Variants in ICA1 observed in about 807,000 individuals in gnomAD.
ICA1 encodes the protein 69 kDa islet cell autoantigen.
In ICA1, 40 loss-of-function variants were observed where a neutral mutation model predicts 71.0. The observed-to-expected ratio is 0.56, with a 90% CI of 0.44 to 0.73. ICA1 has a LOEUF of 0.73. Ranked by LOEUF, ICA1 falls within the 30% of genes least tolerant of loss-of-function variation. The probability of loss-of-function intolerance (pLI) is 0.00; values close to 1 mark genes in which losing one functional copy is unlikely to be tolerated. For missense variants in ICA1, 578 were observed against 576.5 expected (o/e 1.00, Z -0.03); for synonymous variants, 207 against 209.5 (o/e 0.99, Z 0.10).
rs533540029 is a variant in ICA1, at chr7:8,132,154, C to G, written c.1061-4012G>C. On this transcript the variant is annotated intron_variant, in intron 12 of 13. Coordinates refer to ENST00000402384, the MANE Select transcript of ICA1 (RefSeq NM_001136020.3). The surrounding 1 kb of genome is among the most constrained non-coding windows in gnomAD (Gnocchi z 4.5). ...GCCAACAGACATGACGTACTCACAT[C>G]CTCACCTGTCTCCAACTCCGTGACC... Among the ~76,000 whole-genome samples, 2 of 152,340 alleles carry G rather than the reference C, an allele frequency of 1.3e-5. No individual in the cohort carries two copies. Among genetic ancestry groups the G allele is most frequent in the South Asian group, 4.1e-4 (2 of 4,826 alleles).
At chr7:8,138,088 C>G (rs1356018428) in intron 12 of ICA1, among the ~76,000 whole-genome samples, 2 of 152,100 alleles carry the variant, frequency 1.3e-5, no homozygotes, top group African/African-American at 4.8e-5. Context: ...AAAGGAAACC[C>G]TTGGTCAGAT....
At chr7:8,139,548 G>C (rs551950266) in intron 10 of ICA1, among the ~76,000 whole-genome samples, 1 of 152,298 alleles carries the variant, frequency 6.6e-6, no homozygotes, top group African/African-American at 2.4e-5. Context: ...GGAGGACACA[G>C]GGGTTTCAGG....
At chr7:8,255,430 T>A (rs949034784) in intron 1 of ICA1, among the ~76,000 whole-genome samples, 2 of 152,216 alleles carry the variant, frequency 1.3e-5, no homozygotes, top group Non-Finnish European at 2.9e-5. Context: ...CTTCTTTTCC[T>A]CTGTGTCTGC....
chr7:8,157,936 T>C (rs1353752679), intron 7 of ICA1, among the ~76,000 whole-genome samples: 1 of 152,012 alleles, frequency 6.6e-6, no homozygotes, highest in Non-Finnish European at 1.5e-5. Context: ...GTGATCCGCC[T>C]GCCTCGGCCT....
At chr7:8,215,283 C>T (rs1795046935) in intron 6 of ICA1, among the ~76,000 whole-genome samples, 1 of 152,184 alleles carries the variant, frequency 6.6e-6, no homozygotes, top group Non-Finnish European at 1.5e-5. Flanking sequence ...CTGCTCCTTT[C>T]CCCTAAAAGG....
At chr7:8,184,558 G>C (rs1294635551) in intron 6 of ICA1, among the ~76,000 whole-genome samples, 1 of 152,166 alleles carries the variant, frequency 6.6e-6, no homozygotes, top group Admixed American at 6.5e-5. Context: ...TAAATCACAA[G>C]ATAGCTTTCT....
intron 6 of ICA1, among the ~76,000 whole-genome samples, chr7:8,207,084 T>G (rs893317405): frequency 1.3e-5 from 2 of 152,172 alleles, no homozygotes; most frequent in African/African-American, 4.8e-5. Flanking sequence ...TTGAGAAACA[T>G]CCCTCATTTC....
At position 8,254,684 on chromosome 7, in the gene ICA1, A is replaced by G. The variant is rs573161110; in HGVS notation, c.-80+7410T>C. Among the ~76,000 whole-genome samples, 6 of 151,912 alleles carry G rather than the reference A, an allele frequency of 3.9e-5. No individual in the cohort carries two copies. The East Asian group carries it at 9.6e-4, about 24-fold the overall frequency. On this transcript the variant is annotated intron_variant, in intron 1 of 13. Coordinates refer to ENST00000402384, the MANE Select transcript of ICA1 (RefSeq NM_001136020.3). ...ACCCTCTAGGGCAGACCAGGTAGAA[A>G]ACCCAGAAAGTTGCTTGAAGGTACT... is the stretch of plus-strand genomic sequence containing the variant.
chr7:8,135,936 G>C (rs969782788), intron 12 of ICA1, among the ~76,000 whole-genome samples: 5 of 151,890 alleles, frequency 3.3e-5, no homozygotes, highest in African/African-American at 1.2e-4. Flanking sequence ...GCCCAATTTT[G>C]GGAAACACAA....
intron 12 of ICA1, among the ~76,000 whole-genome samples, chr7:8,138,518 C>G (rs1045904533): frequency 1.3e-5 from 2 of 152,118 alleles, no homozygotes; most frequent in Non-Finnish European, 2.9e-5. Context: ...AAATACAGGC[C>G]ATTTATGGTA....
At chr7:8,117,444 CAT>C (rs928812966) in intron 13 of ICA1, among the ~76,000 whole-genome samples, 6 of 152,326 alleles carry the variant, frequency 3.9e-5, no homozygotes, top group Non-Finnish European at 5.9e-5. Context: ...TCACATGACT[CAT>C]ATTTAAAGCA....
At chr7:8,251,089 G>A (rs1243477333) in intron 1 of ICA1, among the ~76,000 whole-genome samples, 1 of 151,764 alleles carries the variant, frequency 6.6e-6, no homozygotes, top group Non-Finnish European at 1.5e-5. Context: ...TTAGTAAAAT[G>A]CCTCCCAATG....
chr7:8,167,645 C>CTT (rs1806580350), intron 6 of ICA1, among the ~76,000 whole-genome samples: 1 of 152,020 alleles, frequency 6.6e-6, no homozygotes, highest in African/African-American at 2.4e-5. Context: ...TAAAAAAAAG[C>CTT]ATTATTAAAC....
At chr7:8,157,740 G>T (rs1165387199) in intron 7 of ICA1, 1 of 146,362 alleles carries the variant, frequency 6.8e-6, no homozygotes, top group African/African-American at 2.5e-5. Flanking sequence ...TGTCGCTCAG[G>T]CTGGAGTGCA....
chr7:8,205,097 C>CG (rs1238058497), intron 6 of ICA1, among the ~76,000 whole-genome samples: 81 of 139,332 alleles, frequency 5.8e-4, no homozygotes, highest in Middle Eastern at 7.7e-3. Flanking sequence ...AAAAAAAAGG[C>CG]GGGGGGGTGG....
intron 1 of ICA1, among the ~76,000 whole-genome samples, chr7:8,248,002 T>C (rs758961847): frequency 2.1e-4 from 32 of 152,238 alleles, no homozygotes; most frequent in Admixed American, 3.9e-4. Context: ...ATGTAGTTAA[T>C]TTTTCTTCAG....
At chr7:8,146,906 A>G (rs1797188306) in intron 8 of ICA1, among the ~76,000 whole-genome samples, 1 of 144,646 alleles carries the variant, frequency 6.9e-6, no homozygotes, top group Non-Finnish European at 1.5e-5. Flanking sequence ...ACACACACAC[A>G]CTCGCCTTTC....
intron 6 of ICA1, among the ~76,000 whole-genome samples, chr7:8,192,691 A>AT (rs1354995501): frequency 5.0e-5 from 1 of 20,016 alleles, no homozygotes; most frequent in Non-Finnish European, 8.8e-5. Context: ...ATGATTTTTG[A>AT]TTTTCAACAT....
At chr7:8,248,807 G>C (rs1036048115) in intron 1 of ICA1, among the ~76,000 whole-genome samples, 1 of 152,148 alleles carries the variant, frequency 6.6e-6, no homozygotes, top group African/African-American at 2.4e-5. Flanking sequence ...TGGTACATTA[G>C]AAACATCCCA....
Sources: gnomAD v4.1 joint callset for allele counts (sites outside exome capture counted in the v4.1 genomes callset) on GRCh38, gnomAD v4.1.1 for gene constraint, Gnocchi (gnomAD v3.1) non-coding constraint, MANE v1.5 for transcripts, NCBI Gene and HGNC (gene_info 2026-07-23, HGNC 2026-07-21) for gene names.